The following CAMKK2 variants were observed in gnomAD, a reference collection of about 807,000 sequenced individuals.
The protein encoded by CAMKK2 is calcium/calmodulin-dependent protein kinase kinase 2.
In CAMKK2, 30 loss-of-function variants were observed where a neutral mutation model predicts 67.2. The ratio of observed to expected loss-of-function variants is 0.45; its 90% CI spans 0.33 to 0.61. The LOEUF (loss-of-function observed/expected upper bound fraction) is 0.61, where lower values mean the gene tolerates loss of function less well. Ranked by LOEUF, CAMKK2 falls within the 20% of genes least tolerant of loss-of-function variation. The pLI is 0.02. For missense variants in CAMKK2, 643 were observed against 802.0 expected (o/e 0.80, Z 2.39); for synonymous variants, 322 against 326.2 (o/e 0.99, Z 0.14).
chr12:121,245,853 C>T lies in CAMKK2; in HGVS notation c.1453-613G>A, dbSNP rs537814846. On this transcript the variant is annotated intron_variant, in intron 14 of 16. Coordinates refer to ENST00000404169, the MANE Select transcript of CAMKK2 (RefSeq NM_001270485.2). This position sits in a 1 kb window ranked among gnomAD's most constrained non-coding sequence, Gnocchi z 5.8. ...ACACTGATTTACCAAAAGATGCAAA[C>T]ACCCAAATGCCCATCAACTGAAGAA... Among the ~76,000 whole-genome samples the T allele has an allele frequency of 4.6e-5, 7 of 152,356 alleles. No individual in the cohort carries two copies. Among genetic ancestry groups the T allele is most frequent in the Admixed American group, 3.9e-4 (6 of 15,302 alleles).
rs1901328547 is a variant in CAMKK2, at chr12:121,296,709, T to C, written c.-131A>G. ...CGGCTCGGCTCGGCTCAGCTTGCTC[T>C]GCGCGGCCGCGCGCTCCTCTCCTCC... On this transcript the variant is annotated 5_prime_UTR_variant, in exon 1 of 17. Transcript: ENST00000404169. This position sits in a 1 kb window ranked among gnomAD's most constrained non-coding sequence, Gnocchi z 7.1. 1 of 145,360 alleles carries C rather than the reference T, an allele frequency of 6.9e-6. No individual in the cohort carries two copies. Among genetic ancestry groups the C allele is most frequent in the Non-Finnish European group, 1.5e-5 (1 of 65,872 alleles). The allele number at this position is 145,360 out of a possible 1,614,324, so 9.0% of individuals were successfully genotyped here. A position where few individuals can be genotyped will look rare whatever the true frequency, so the allele number is the denominator to read the frequency against.
chr12:121,268,805 C>A, intron 4 of CAMKK2, 116 bp from the exon 5 acceptor site: 4 of 921,710 alleles, frequency 4.3e-6, no homozygotes, highest in South Asian at 1.3e-5. Flanking sequence ...AAGCTCCTGG[C>A]CCCCTGGCAG....
chr12:121,252,831 A>T (rs1011699724), intron 10 of CAMKK2, 117 bp from the exon 11 acceptor site: 2 of 972,744 alleles, frequency 2.1e-6, no homozygotes. Flanking sequence ...GGCGGGACCA[A>T]TCTTGTCTCC....
At position 121,240,675 on chromosome 12, in the gene CAMKK2, T is replaced by A. The variant is rs748263829; in HGVS notation, c.*24A>T. 1.3e-6 allele frequency: 2 copies of A among 1,572,860 alleles called. No individual in the cohort carries two copies. Among genetic ancestry groups the A allele is most frequent in the Non-Finnish European group, 1.7e-6 (2 of 1,164,488 alleles). ...CCCCCCAGAGGCGACGCGGCGCGCA[T>A]GCGAGGTCGAGCGATCCAGGCAGCT... On this transcript the variant is annotated 3_prime_UTR_variant, in exon 17 of 17. Transcript: ENST00000404169. The surrounding 1 kb of genome is among the most constrained non-coding windows in gnomAD (Gnocchi z 4.4).
chr12:121,241,122 T>A (rs1279416497), intron 16 of CAMKK2, among the ~76,000 whole-genome samples: 1 of 152,184 alleles, frequency 6.6e-6, no homozygotes, highest in African/African-American at 2.4e-5. Flanking sequence ...CAAGGACCCG[T>A]ACAACAGTTC....
intron 6 of CAMKK2, among the ~76,000 whole-genome samples, chr12:121,260,929 G>T (rs1354725037): frequency 6.7e-6 from 1 of 148,482 alleles, no homozygotes; most frequent in Non-Finnish European, 1.5e-5. Flanking sequence ...CTTCAGCCTG[G>T]ATGACAGAGC....
At chr12:121,249,499 G>A (rs555127159) in intron 13 of CAMKK2, among the ~76,000 whole-genome samples, 55 of 152,302 alleles carry the variant, frequency 3.6e-4, no homozygotes, top group African/African-American at 1.2e-3. Flanking sequence ...TGTGGAGCAC[G>A]GAGGCCCCAT....
chr12:121,293,006 T>C (rs1169986451), intron 1 of CAMKK2, among the ~76,000 whole-genome samples: 1 of 150,008 alleles, frequency 6.7e-6, no homozygotes, highest in Non-Finnish European at 1.5e-5. Context: ...CTGGGCGCCG[T>C]GGCTCACGCC....
chr12:121,288,118 G>A (rs1899134645), intron 1 of CAMKK2, among the ~76,000 whole-genome samples: 2 of 152,196 alleles, frequency 1.3e-5, no homozygotes. Context: ...ATAAAGTGTA[G>A]AAACCATCTT....
At chr12:121,244,658 C>G (rs61953429) in intron 15 of CAMKK2, 43 bp from the exon 16 acceptor site, 164,136 of 1,495,014 alleles carry the variant, frequency 0.11, 10,058 homozygotes, top group Non-Finnish European at 0.12. Context: ...GAGAAGGGAC[C>G]CTTGGGATCC....
intron 1 of CAMKK2, among the ~76,000 whole-genome samples, chr12:121,278,445 G>A (rs779646945): frequency 6.6e-6 from 1 of 152,240 alleles, no homozygotes; most frequent in Non-Finnish European, 1.5e-5. Flanking sequence ...CCTGTTGGAT[G>A]CTATGGTTTG....
At chr12:121,278,903 G>A (rs915922008) in intron 1 of CAMKK2, among the ~76,000 whole-genome samples, 5 of 152,238 alleles carry the variant, frequency 3.3e-5, no homozygotes, top group Admixed American at 2.6e-4. Flanking sequence ...TCTTAAGTGT[G>A]TCCCTCAGCC....
chr12:121,290,353 T>A (rs2136641508), intron 1 of CAMKK2, among the ~76,000 whole-genome samples: 1 of 152,304 alleles, frequency 6.6e-6, no homozygotes, highest in East Asian at 1.9e-4. Context: ...GAAAAAAGTC[T>A]CACAAAATAT....
Position 121,249,770 on chromosome 12 carries a change from G to A in CAMKK2, c.1323+17C>T. The A allele has an allele frequency of 6.2e-7, 1 of 1,611,508 alleles. No homozygotes were observed. Among genetic ancestry groups the A allele is most frequent in the Non-Finnish European group, 8.5e-7 (1 of 1,177,596 alleles). ...CAAACAATTCCGAGCACGGGGCACA[G>A]GCTGAGCCAAGGGTACCTTGATTTC... On this transcript the variant is annotated intron_variant, in intron 13 of 16. Transcript: ENST00000404169.
intron 2 of CAMKK2, 48 bp downstream of exon 2, chr12:121,274,008 A>C (rs1332228398): frequency 7.5e-7 from 1 of 1,342,262 alleles, no homozygotes; most frequent in Non-Finnish European, 1.0e-6. Flanking sequence ...GGGGGCAGGG[A>C]AGGGCACCAG....
intron 1 of CAMKK2, among the ~76,000 whole-genome samples, chr12:121,294,274 C>T (rs1900701700): frequency 6.6e-6 from 1 of 151,970 alleles, no homozygotes; most frequent in African/African-American, 2.4e-5. Context: ...GGCCTGCCTA[C>T]AGGACACTTT....
At position 121,240,882 on chromosome 12, in the gene CAMKK2, C is replaced by CAG; in HGVS notation, c.1597-15_1597-14dup. 1 of 1,611,948 alleles carries CAG rather than the reference C, an allele frequency of 6.2e-7. No individual in the cohort carries two copies. The highest frequency in any genetic ancestry group is 8.5e-7 in the Non-Finnish European group (1 of 1,179,790). ...GCTGCCTTGCTTCCTGCTCACCGAA[C>CAG]AGAAAACCAACATTAAGACTCTGAG... On this transcript the variant is annotated splice_polypyrimidine_tract_variant and intron_variant, in intron 16 of 16. Coordinates refer to ENST00000404169, the MANE Select transcript of CAMKK2 (RefSeq NM_001270485.2). The surrounding 1 kb of genome is among the most constrained non-coding windows in gnomAD (Gnocchi z 4.4).
intron 16 of CAMKK2, among the ~76,000 whole-genome samples, chr12:121,243,000 CCAAAGCGCTGGGATTA>C (rs1318556354): frequency 6.6e-6 from 1 of 152,010 alleles, no homozygotes; most frequent in Non-Finnish European, 1.5e-5. Context: ...CCTTGGCCTC[CCAAAGCGCTGGGATTA>C]CAGGCGTGAG....
chr12:121,241,769 G>A (rs938127783), intron 16 of CAMKK2, among the ~76,000 whole-genome samples: 1 of 152,242 alleles, frequency 6.6e-6, no homozygotes, highest in Non-Finnish European at 1.5e-5. Context: ...AAGGTCCCTG[G>A]GGAGGGGGGC....
Sources: allele counts gnomAD v4.1 joint callset (sites outside exome capture counted in the v4.1 genomes callset), GRCh38; gene constraint gnomAD v4.1.1; non-coding constraint Gnocchi (gnomAD v3.1); transcripts MANE v1.5; gene names NCBI Gene and HGNC (gene_info 2026-07-23, HGNC 2026-07-21).